KCNH7: variants seen among roughly 807,000 people sequenced by gnomAD.
The protein encoded by KCNH7 is voltage-gated inwardly rectifying potassium channel KCNH7.
In KCNH7, 49 loss-of-function variants were observed where a neutral mutation model predicts 120.8. The ratio of observed to expected loss-of-function variants is 0.41; its 90% CI spans 0.32 to 0.51. The LOEUF is 0.51. KCNH7 is among the 20% of genes least tolerant of loss of function. The pLI is 0.38. For missense variants in KCNH7, 1,097 were observed against 1,446.6 expected (o/e 0.76, Z 3.92); for synonymous variants, 547 against 516.1 (o/e 1.06, Z -0.81).
At chr2:162,587,698 T>C (rs1471633879) in intron 2 of KCNH7, among the ~76,000 whole-genome samples, 1 of 152,044 alleles carries the variant, frequency 6.6e-6, no homozygotes, top group East Asian at 1.9e-4. Flanking sequence ...GTGTGTGCAA[T>C]GGTAAAAAGC....
chr2:162,818,362 T>C (rs1478576555), intron 2 of KCNH7, among the ~76,000 whole-genome samples: 1 of 147,216 alleles, frequency 6.8e-6, no homozygotes, highest in East Asian at 1.9e-4. Flanking sequence ...TTGAAAAGAC[T>C]TACTTTGGTG....
At position 162,506,201 on chromosome 2, in the gene KCNH7, A is replaced by G. The variant is rs1218525830; in HGVS notation, c.914-1544T>C. On this transcript the variant is annotated intron_variant, in intron 5 of 15. Transcript: ENST00000332142. ...TTGCCTCATATGTTCTCATTTGCAT[A>G]TAGAACCTAACTCTCTTTACTATTT... 3.9e-5 allele frequency among the ~76,000 whole-genome samples: 6 copies of G among 151,990 alleles called. No individual in the cohort carries two copies. The East Asian group carries it at 9.8e-4, about 25-fold the overall frequency.
chr2:162,751,651 C>G (rs1197549540), intron 2 of KCNH7, among the ~76,000 whole-genome samples: 1 of 151,814 alleles, frequency 6.6e-6, no homozygotes, highest in East Asian at 1.9e-4. Context: ...AGATTTGTAG[C>G]CCACATGGTT....
intron 11 of KCNH7, among the ~76,000 whole-genome samples, chr2:162,395,448 C>T (rs568622611): frequency 1.5e-4 from 23 of 151,816 alleles, no homozygotes; most frequent in South Asian, 1.0e-3. Context: ...CCCAGATCCT[C>T]CTTCTTCCCT....
rs143809892 is a variant in KCNH7 at position 162,579,390 on chromosome 2, G to A, written c.308-42310C>T. Among the ~76,000 whole-genome samples the A allele has an allele frequency of 2.9e-3, 440 of 152,174 alleles. 1 individual carries two copies. Among genetic ancestry groups the A allele is most frequent in the African/African-American group, 0.01 (420 of 41,540 alleles). ...GTAGAGGGAGATGCAGCACATCTTG[G>A]CTGATGGAAGTGTATGGAAAGAGCC... On this transcript the variant is annotated intron_variant, in intron 2 of 15. Transcript: ENST00000332142.
At chr2:162,686,756 G>A (rs1489810300) in intron 2 of KCNH7, among the ~76,000 whole-genome samples, 1 of 151,878 alleles carries the variant, frequency 6.6e-6, no homozygotes, top group African/African-American at 2.4e-5. Flanking sequence ...TGCCTTTTAG[G>A]CCTGAACCAG....
chr2:162,627,893 T>C lies in KCNH7; in HGVS notation c.308-90813A>G, dbSNP rs571465881. 3.6e-5 allele frequency among the ~76,000 whole-genome samples: 4 copies of C among 111,504 alleles called. No homozygotes were observed. The East Asian group carries it at 8.4e-4, about 23-fold the overall frequency. The allele number at this position is 111,504 out of a possible 152,430, so 73.2% of individuals were successfully genotyped here. A position where few individuals can be genotyped will look rare whatever the true frequency, so the allele number is the denominator to read the frequency against. ...CCTGTGCTGAGTGTGCACCTAGAAG[T>C]TGCTAGTCAGAAGAAGGACAGAATT... On this transcript the variant is annotated intron_variant, in intron 2 of 15. Coordinates refer to ENST00000332142, the MANE Select transcript of KCNH7 (RefSeq NM_033272.4).
chr2:162,745,818 T>G (rs1188480774), intron 2 of KCNH7, among the ~76,000 whole-genome samples: 1 of 152,084 alleles, frequency 6.6e-6, no homozygotes, highest in Non-Finnish European at 1.5e-5. Context: ...TCTTAGATTT[T>G]TTTCCTTTAA....
At chr2:162,773,487 T>TA (rs1250358541) in intron 2 of KCNH7, among the ~76,000 whole-genome samples, 2 of 152,004 alleles carry the variant, frequency 1.3e-5, no homozygotes, top group Non-Finnish European at 1.5e-5. Flanking sequence ...TGAGACTGTC[T>TA]AAAAAAACAA....
intron 2 of KCNH7, among the ~76,000 whole-genome samples, chr2:162,688,794 G>A (rs1440308222): frequency 7.0e-6 from 1 of 142,762 alleles, no homozygotes; most frequent in Non-Finnish European, 1.5e-5. Flanking sequence ...GACATGCTGT[G>A]TTTAATTGTC....
At chr2:162,770,994 T>C (rs915255150) in intron 2 of KCNH7, among the ~76,000 whole-genome samples, 2 of 152,134 alleles carry the variant, frequency 1.3e-5, no homozygotes, top group Non-Finnish European at 2.9e-5. Flanking sequence ...ATCCAGGTGA[T>C]GGTTATGTTT....
chr2:162,535,597 A>T (rs115891907), intron 3 of KCNH7, among the ~76,000 whole-genome samples: 1,733 of 151,888 alleles, frequency 0.011, 11 homozygotes, highest in Non-Finnish European at 0.019. Flanking sequence ...TTACACCATT[A>T]TAGAGACATC....
intron 13 of KCNH7, among the ~76,000 whole-genome samples, chr2:162,383,047 G>A (rs1479351051): frequency 3.3e-5 from 5 of 151,878 alleles, no homozygotes; most frequent in Admixed American, 6.6e-5. Flanking sequence ...AAAAATAATT[G>A]GAAGGCGTAG....
intron 2 of KCNH7, among the ~76,000 whole-genome samples, chr2:162,656,769 T>C (rs182921626): frequency 2.0e-5 from 3 of 152,256 alleles, no homozygotes; most frequent in South Asian, 4.1e-4. Context: ...CTGTGGAGCA[T>C]CAAAGGAGAG....
chr2:162,699,762 AAC>A (rs1409051018), intron 2 of KCNH7, among the ~76,000 whole-genome samples: 3 of 152,276 alleles, frequency 2.0e-5, no homozygotes, highest in South Asian at 2.1e-4. Flanking sequence ...GTTCCTGGTG[AAC>A]ACAGTTTCTT....
At chr2:162,376,849 G>A (rs1040097478) in intron 14 of KCNH7, among the ~76,000 whole-genome samples, 1 of 152,152 alleles carries the variant, frequency 6.6e-6, no homozygotes, top group Non-Finnish European at 1.5e-5. Flanking sequence ...CTAAATAGAT[G>A]TATCTGCAGG....
At chr2:162,500,312 CATAAT>C (rs1690638865) in intron 6 of KCNH7, among the ~76,000 whole-genome samples, 1 of 146,418 alleles carries the variant, frequency 6.8e-6, no homozygotes, top group Non-Finnish European at 1.5e-5. Flanking sequence ...TATATACACA[CATAAT>C]ATGTATATTA....
intron 2 of KCNH7, among the ~76,000 whole-genome samples, chr2:162,633,404 T>C (rs1683834552): frequency 6.6e-6 from 1 of 152,018 alleles, no homozygotes; most frequent in African/African-American, 2.4e-5. Flanking sequence ...GAAATCTTTT[T>C]TCACAGTTTA....
intron 3 of KCNH7, among the ~76,000 whole-genome samples, chr2:162,526,667 C>T (rs1691715762): frequency 6.6e-6 from 1 of 151,982 alleles, no homozygotes; most frequent in African/African-American, 2.4e-5. Flanking sequence ...CTCTCTTGTT[C>T]CCTGAACATT....
Sources: allele counts gnomAD v4.1 joint callset (sites outside exome capture counted in the v4.1 genomes callset), GRCh38; gene constraint gnomAD v4.1.1; transcripts MANE v1.5; gene names NCBI Gene and HGNC (gene_info 2026-07-23, HGNC 2026-07-21).